The following SMARCA4 variants were observed in gnomAD, a reference collection of about 807,000 sequenced individuals.
SMARCA4 encodes the protein SWI/SNF-related matrix-associated actin-dependent regulator of chromatin subfamily A member 4.
SMARCA4 carries 31 observed loss-of-function variants against 193.9 expected under a neutral mutation model. The ratio of observed to expected loss-of-function variants is 0.16; its 90% CI spans 0.12 to 0.22. SMARCA4 has a LOEUF of 0.22. Ranked by LOEUF, SMARCA4 falls within the 10% of genes least tolerant of loss-of-function variation. The pLI, the probability that SMARCA4 is intolerant of heterozygous loss-of-function variation, is 1.00. For missense variants in SMARCA4, 1,148 were observed against 2,296.0 expected, an observed-to-expected ratio of 0.50 and a Z score of 10.22; for synonymous variants, 942 against 933.1, an observed-to-expected ratio of 1.01 and a Z score of -0.17.
rs1433484763 is a variant in SMARCA4 at position 11,034,843 on chromosome 19, G to C, written c.3952-71G>C. The C allele has an allele frequency of 1.0e-6, 1 of 985,740 alleles. No homozygotes were observed. Among genetic ancestry groups the C allele is most frequent in the Non-Finnish European group, 1.6e-6 (1 of 643,336 alleles). The allele number at this position is 985,740 out of a possible 1,614,324, so 61.1% of individuals were successfully genotyped here. On this transcript the variant is annotated intron_variant, in intron 28 of 34. Transcript: ENST00000344626. This position sits in a 1 kb window ranked among gnomAD's most constrained non-coding sequence, Gnocchi z 7.0. The stretch of plus-strand genomic sequence containing the variant: ...CAGAGAAAGGCCCTTCTGAACTCTC[G>C]GTGTTCTGGCTCTAGCGTGCCCCTG...
chr19:10,975,614 A>G (rs1386057287), intron 1 of SMARCA4, among the ~76,000 whole-genome samples: 2 of 152,044 alleles, frequency 1.3e-5, no homozygotes, highest in Non-Finnish European at 2.9e-5. Flanking sequence ...CAGCCTCTCA[A>G]TTCTTTTTTG....
intron 1 of SMARCA4, among the ~76,000 whole-genome samples, chr19:10,974,666 CATATATATATAT>C (rs1555744332): frequency 1.3e-4 from 4 of 30,458 alleles, no homozygotes; most frequent in East Asian, 1.5e-3. Flanking sequence ...GATTAACATG[CATATATATATAT>C]ATATATATAT....
intron 30 of SMARCA4, among the ~76,000 whole-genome samples, chr19:11,051,132 G>T (rs1292368702): frequency 1.3e-5 from 2 of 152,244 alleles, no homozygotes; most frequent in Admixed American, 1.3e-4. Flanking sequence ...TTCTGCGCCT[G>T]CCCCAGGATT....
Position 10,996,378 on chromosome 19 carries a change from A to G in SMARCA4, c.1759A>G (p.Lys587Glu). Residue 587 changes from lysine (K) to glutamate (E), a missense_variant and splice_region_variant, in exon 10 of 35, where the codon AAG becomes GAG. Around this residue, in one of 17 missense-constraint regions of SMARCA4, gnomAD observed 115 missense variants for 175.1 expected, o/e 0.66. Transcript: ENST00000344626. ...GGAGAAAAAGAAGAAAAAGAAAAAGAAGGTGTGCTGGGCCTGGCATGGTGC... is the reference window on the plus strand; with the variant it reads ...GGAGAAAAAGAAGAAAAAGAAAAAGGAGGTGTGCTGGGCCTGGCATGGTGC... ...AKEKKKKKKK[K>E]KAENAEGQTP... 2 of 1,614,226 alleles carry G rather than the reference A, an allele frequency of 1.2e-6. No homozygotes were observed. The highest frequency in any genetic ancestry group is 1.7e-6 in the Non-Finnish European group (2 of 1,180,046).
At chr19:11,051,161 C>T (rs1050869077) in intron 30 of SMARCA4, among the ~76,000 whole-genome samples, 5 of 152,266 alleles carry the variant, frequency 3.3e-5, no homozygotes, top group East Asian at 1.9e-4. Flanking sequence ...GAAGCTCCCC[C>T]TCCTCTGTTT....
At chr19:11,022,110 C>T (rs1176907727) in intron 19 of SMARCA4, 143 bp downstream of exon 19, 1 of 1,307,896 alleles carries the variant, frequency 7.6e-7, no homozygotes. Context: ...AGCAGGGGAG[C>T]CCTGGAACCC....
At chr19:11,035,345 G>A (rs749874400) in intron 29 of SMARCA4, among the ~76,000 whole-genome samples, 11 of 152,232 alleles carry the variant, frequency 7.2e-5, no homozygotes, top group Non-Finnish European at 1.2e-4. Flanking sequence ...AAGGACCCAC[G>A]GTTCCTGAGC....
In SMARCA4 at chr19:11,030,971, A is replaced by AG; in HGVS notation, c.3546+81dup. On this transcript the variant is annotated intron_variant, in intron 25 of 34. Coordinates refer to ENST00000344626, the MANE Select transcript of SMARCA4 (RefSeq NM_003072.5). This position sits in a 1 kb window ranked among gnomAD's most constrained non-coding sequence, Gnocchi z 5.5. Reference sequence around the variant, plus strand: ...ACCTCGAGGAGACGGCCCTGGCTTGAGGGTCCTCCAGCCTCCTCCACATTG... The same window carrying AG: ...ACCTCGAGGAGACGGCCCTGGCTTGAGGGGTCCTCCAGCCTCCTCCACATTG... 1 of 1,348,554 alleles carries AG rather than the reference A, an allele frequency of 7.4e-7. No homozygotes were observed. The highest frequency in any genetic ancestry group is 1.2e-5 in the South Asian group (1 of 80,456). 83.5% of individuals were successfully genotyped at this position (1,348,554 alleles called of 1,614,324 possible). A position where few individuals can be genotyped will look rare whatever the true frequency, so the allele number is the denominator to read the frequency against.
chr19:11,007,172 C>G (rs1193824142), intron 13 of SMARCA4, among the ~76,000 whole-genome samples: 2 of 152,108 alleles, frequency 1.3e-5, no homozygotes, highest in African/African-American at 4.8e-5. Flanking sequence ...TGGCTCACGC[C>G]TGTAATCCCA....
chr19:11,003,478 T>A, intron 13 of SMARCA4, 81 bp downstream of exon 13: 2 of 1,325,038 alleles, frequency 1.5e-6, no homozygotes, highest in Non-Finnish European at 2.2e-6. Context: ...GACCGTCTCC[T>A]GCCCTGGCTG....
At chr19:11,023,427 C>A in intron 19 of SMARCA4, 91 bp from the exon 20 acceptor site, 1 of 832,154 alleles carries the variant, frequency 1.2e-6, no homozygotes, top group Non-Finnish European at 2.0e-6. Flanking sequence ...GGACCCCGTC[C>A]ACCCTGTCCC....
chr19:11,039,345 C>A (rs1455302973), intron 29 of SMARCA4: 3 of 589,084 alleles, frequency 5.1e-6, no homozygotes, highest in Non-Finnish European at 8.9e-6. Context: ...CAGAATGAGA[C>A]CCTGTCTCTG....
At chr19:11,005,142 A>G (rs913234779) in intron 13 of SMARCA4, among the ~76,000 whole-genome samples, 8 of 151,722 alleles carry the variant, frequency 5.3e-5, no homozygotes, top group East Asian at 1.9e-4. Context: ...GGCCTCTCCT[A>G]TTTTTTTGCT....
chr19:10,982,581 G>A (rs2085640316), intron 1 of SMARCA4, among the ~76,000 whole-genome samples: 1 of 151,494 alleles, frequency 6.6e-6, no homozygotes, highest in East Asian at 2.0e-4. Context: ...CTCACTGCAA[G>A]CGCCGCCTCC....
intron 30 of SMARCA4, among the ~76,000 whole-genome samples, chr19:11,055,338 T>C (rs1159325265): frequency 6.6e-6 from 1 of 152,072 alleles, no homozygotes; most frequent in Non-Finnish European, 1.5e-5. Flanking sequence ...TGCAGGTGCC[T>C]GTCACCACGC....
rs2076690554 is a variant in SMARCA4, at chr19:11,058,778, T to C, written c.4534-10T>C. The C allele has an allele frequency of 6.2e-7, 1 of 1,612,558 alleles. No homozygotes were observed. Among genetic ancestry groups the C allele is most frequent in the Non-Finnish European group, 8.5e-7 (1 of 1,178,826 alleles). On this transcript the variant is annotated splice_polypyrimidine_tract_variant and intron_variant, in intron 31 of 34. Transcript: ENST00000344626. This position sits in a 1 kb window ranked among gnomAD's most constrained non-coding sequence, Gnocchi z 5.8. The stretch of plus-strand genomic sequence containing the variant: ...CCTGAGGTAAGACCTGCTCCTCCCG[T>C]CCACTGCAGGAGCGCATTCGCAACC...
chr19:10,994,206 A>G (rs2086805749), intron 8 of SMARCA4, among the ~76,000 whole-genome samples: 1 of 149,960 alleles, frequency 6.7e-6, no homozygotes, highest in Non-Finnish European at 1.5e-5. Flanking sequence ...CACCTGGCTA[A>G]TATTTTTTGT....
In SMARCA4 at chr19:11,054,076, C is replaced by T. The variant is rs145852919; in HGVS notation, c.4425-4179C>T. Among the ~76,000 whole-genome samples the T allele has an allele frequency of 3.6e-3, 544 of 152,338 alleles. 10 individuals carry two copies. Among genetic ancestry groups the T allele is most frequent in the Middle Eastern group, 0.014 (4 of 294 alleles). On this transcript the variant is annotated intron_variant, in intron 30 of 34. Transcript: ENST00000344626. ...TTGGCTTCTCTGCACAACAAGGAAA[C>T]GTGTTTAGGGCCACATTGTAGAATG...
chr19:11,050,495 G>A (rs997808250), intron 30 of SMARCA4, among the ~76,000 whole-genome samples: 7 of 152,240 alleles, frequency 4.6e-5, no homozygotes, highest in African/African-American at 1.7e-4. Context: ...TGTGGGAGGG[G>A]ACGATGGTCC....
Sources: gnomAD v4.1 joint callset for allele counts (sites outside exome capture counted in the v4.1 genomes callset) on GRCh38, gnomAD v4.1.1 for gene constraint, gnomAD v4.1.1 regional missense constraint, Gnocchi (gnomAD v3.1) non-coding constraint, MANE v1.5 for transcripts, NCBI Gene and HGNC (gene_info 2026-07-23, HGNC 2026-07-21) for gene names.